The following SH3BGR variants were observed in gnomAD, a reference collection of about 807,000 sequenced individuals.
SH3BGR encodes the protein SH3 domain-binding glutamic acid-rich protein.
Under a neutral mutation model 24.5 loss-of-function variants are expected in SH3BGR, and 29 were observed. The observed-to-expected ratio is 1.18, with a 90% CI of 0.88 to 1.61. The LOEUF (loss-of-function observed/expected upper bound fraction) is 1.61. SH3BGR is among the 40% of genes most tolerant of loss of function. SH3BGR has a pLI of 0.00. For synonymous variants in SH3BGR, 55 were observed against 65.7 expected, an observed-to-expected ratio of 0.84 and a Z score of 0.79; for missense variants, 162 against 205.8, an observed-to-expected ratio of 0.79 and a Z score of 1.30.
At chr21:39,492,464 G>A (rs1292010647) in intron 3 of SH3BGR, among the ~76,000 whole-genome samples, 66 of 99,876 alleles carry the variant, frequency 6.6e-4, no homozygotes, top group African/African-American at 2.0e-3. Flanking sequence ...GTGTGTGTGT[G>A]TGTATATATA....
chr21:39,510,909 C>CTGTATATATA (rs2078676917), intron 5 of SH3BGR, among the ~76,000 whole-genome samples: 1 of 65,880 alleles, frequency 1.5e-5, no homozygotes, highest in Admixed American at 2.0e-4. Context: ...ATTCTTCTAA[C>CTGTATATATA]TATATATATA....
Position 39,454,680 on chromosome 21 carries a change from C to G in SH3BGR, c.45+2539C>G, listed in dbSNP as rs141735229. 2.1e-3 allele frequency among the ~76,000 whole-genome samples: 323 copies of G among 152,288 alleles called. 1 individual carries two copies. The highest frequency in any genetic ancestry group is 6.8e-3 in the Middle Eastern group (2 of 294). On this transcript the variant is annotated intron_variant, in intron 1 of 6. Coordinates refer to ENST00000333634, the MANE Select transcript of SH3BGR (RefSeq NM_007341.3). The stretch of plus-strand genomic sequence containing the variant: ...GCTCTTGGGCTTCACAGTCCTTTCT[C>G]CATTTTGATTGACAGTGTAAATATC...
At chr21:39,509,702 T>G (rs1020718449) in intron 5 of SH3BGR, among the ~76,000 whole-genome samples, 4 of 152,016 alleles carry the variant, frequency 2.6e-5, no homozygotes, top group African/African-American at 9.7e-5. Flanking sequence ...CTTGAACTCC[T>G]GACCCCAAGT....
intron 2 of SH3BGR, among the ~76,000 whole-genome samples, chr21:39,467,779 T>C (rs879679022): frequency 1.4e-4 from 21 of 152,192 alleles, no homozygotes; most frequent in South Asian, 4.1e-4. Flanking sequence ...GTAGATTTCA[T>C]TGGGCAGTGA....
chr21:39,468,790 C>A (rs140120788), intron 2 of SH3BGR, among the ~76,000 whole-genome samples: 3 of 152,160 alleles, frequency 2.0e-5, no homozygotes, highest in Non-Finnish European at 4.4e-5. Flanking sequence ...TGAATATGCA[C>A]ATAGTTTACT....
At chr21:39,480,758 T>C (rs2123418174) in intron 3 of SH3BGR, among the ~76,000 whole-genome samples, 1 of 152,358 alleles carries the variant, frequency 6.6e-6, no homozygotes, top group East Asian at 1.9e-4. Flanking sequence ...GCCTGAGTTT[T>C]ACTCTAGACT....
chr21:39,456,386 G>C (rs2077654850), intron 1 of SH3BGR, among the ~76,000 whole-genome samples: 1 of 152,244 alleles, frequency 6.6e-6, no homozygotes, highest in Non-Finnish European at 1.5e-5. Context: ...GGGAATAAGT[G>C]CTTTATAAAA....
At chr21:39,481,592 C>T (rs2078131364) in intron 3 of SH3BGR, among the ~76,000 whole-genome samples, 1 of 152,148 alleles carries the variant, frequency 6.6e-6, no homozygotes, top group Non-Finnish European at 1.5e-5. Context: ...GAAAACCTAT[C>T]TACGCTTAAG....
upstream of SH3BGR, among the ~76,000 whole-genome samples, chr21:39,448,341 A>T (rs2077534763): frequency 6.6e-6 from 1 of 150,950 alleles, no homozygotes; most frequent in East Asian, 1.9e-4. Context: ...ACGTGTCTTT[A>T]TTTGTCATTT....
At chr21:39,450,242 A>G (rs1254899971), upstream of SH3BGR, among the ~76,000 whole-genome samples, 1 of 152,264 alleles carries the variant, frequency 6.6e-6, no homozygotes, top group Non-Finnish European at 1.5e-5. Context: ...GCTTTAAAAT[A>G]AAATTTATAA....
chr21:39,454,085 C>A (rs1354199168), intron 1 of SH3BGR, among the ~76,000 whole-genome samples: 2 of 152,142 alleles, frequency 1.3e-5, no homozygotes, highest in Non-Finnish European at 2.9e-5. Context: ...GAACCACATA[C>A]ATGAGAGAAT....
At chr21:39,465,224 C>G (rs1295186651) in intron 2 of SH3BGR, among the ~76,000 whole-genome samples, 3 of 152,330 alleles carry the variant, frequency 2.0e-5, no homozygotes, top group African/African-American at 7.2e-5. Context: ...TGACCCCTGT[C>G]ATTCTGGCTA....
At chr21:39,479,940 C>T (rs2078105054) in intron 3 of SH3BGR, among the ~76,000 whole-genome samples, 1 of 151,838 alleles carries the variant, frequency 6.6e-6, no homozygotes, top group African/African-American at 2.4e-5. Flanking sequence ...TTTTTAACAT[C>T]TTTGTTGTAT....
upstream of SH3BGR, among the ~76,000 whole-genome samples, chr21:39,448,269 G>T (rs2077533913): frequency 6.6e-6 from 1 of 152,080 alleles, no homozygotes; most frequent in African/African-American, 2.4e-5. Flanking sequence ...GAATTTTGGT[G>T]AACAATATTC....
intron 1 of SH3BGR, among the ~76,000 whole-genome samples, chr21:39,457,130 TCAC>T (rs1254631155): frequency 2.0e-5 from 3 of 146,996 alleles, no homozygotes; most frequent in Non-Finnish European, 4.5e-5. Context: ...TATAATCAAA[TCAC>T]CATCAAGAAC....
intron 2 of SH3BGR, among the ~76,000 whole-genome samples, chr21:39,464,303 A>G (rs939645187): frequency 6.6e-6 from 1 of 151,972 alleles, no homozygotes. Context: ...GCTCACTGCA[A>G]CCTCTACCTC....
intron 2 of SH3BGR, 148 bp from the exon 3 acceptor site, chr21:39,474,987 G>A (rs144214875): frequency 3.4e-6 from 2 of 581,656 alleles, no homozygotes; most frequent in East Asian, 2.9e-5. Context: ...TAACTCTGGA[G>A]GTTAGTCATC....
chr21:39,473,152 A>C (rs1419247837), intron 2 of SH3BGR, among the ~76,000 whole-genome samples: 1 of 152,202 alleles, frequency 6.6e-6, no homozygotes, highest in Non-Finnish European at 1.5e-5. Flanking sequence ...AAAGATAATG[A>C]TGAATTGTTC....
intron 3 of SH3BGR, among the ~76,000 whole-genome samples, chr21:39,492,233 C>G (rs958386794): frequency 6.6e-6 from 1 of 152,054 alleles, no homozygotes; most frequent in Non-Finnish European, 1.5e-5. Context: ...TCACCCCCTT[C>G]CCACCCTTTC....
Sources: allele counts gnomAD v4.1 joint callset (sites outside exome capture counted in the v4.1 genomes callset), GRCh38; gene constraint gnomAD v4.1.1; transcripts MANE v1.5; gene names NCBI Gene and HGNC (gene_info 2026-07-23, HGNC 2026-07-21).